ARHGAP22: variants seen among roughly 807,000 people sequenced by gnomAD.
ARHGAP22 encodes Rho GTPase activating protein 22, also known as rho GTPase-activating protein 22.
Under a neutral mutation model 59.1 loss-of-function variants are expected in ARHGAP22, and 48 were observed. That is an observed-to-expected ratio of 0.81 (90% CI 0.64 to 1.03). The LOEUF (loss-of-function observed/expected upper bound fraction) is 1.03, where lower values mean the gene tolerates loss of function less well. Among genes scored for constraint, ARHGAP22 ranks in the 50% least tolerant of loss-of-function variants. ARHGAP22 has a pLI of 0.00. For synonymous variants in ARHGAP22, 445 were observed against 416.4 expected, an observed-to-expected ratio of 1.07 and a Z score of -0.84; for missense variants, 1,015 against 958.7, an observed-to-expected ratio of 1.06 and a Z score of -0.78.
chr10:48,604,830 C>G lies in ARHGAP22; in HGVS notation c.-34G>C, dbSNP rs1460543597. 8 of 1,614,114 alleles carry G rather than the reference C, an allele frequency of 5.0e-6. No homozygotes were observed. Among genetic ancestry groups the G allele is most frequent in the Non-Finnish European group, 5.9e-6 (7 of 1,180,044 alleles). On this transcript the variant is annotated 5_prime_UTR_variant, in exon 1 of 10. Transcript: ENST00000249601. ...AGCCGTCCGGCCAGCCCCGCAGGGC[C>G]GTTCATGCTGTCATCCACTTGCTTT... is the stretch of plus-strand genomic sequence containing the variant.
intron 3 of ARHGAP22, among the ~76,000 whole-genome samples, chr10:48,534,394 C>T (rs552641958): frequency 6.6e-6 from 1 of 152,222 alleles, no homozygotes; most frequent in African/African-American, 2.4e-5. Context: ...TTTCCTCCCC[C>T]ACCCCCAGGA....
chr10:48,434,889 G>A, the ARHGAP22 span: 1 of 1,613,086 alleles, frequency 6.2e-7, no homozygotes, highest in Non-Finnish European at 8.5e-7. Context: ...CACAGGTGCA[G>A]CAGTGATCAA....
At chr10:48,620,025 T>G (rs1382588126) in intron 1 of ARHGAP22, among the ~76,000 whole-genome samples, 1 of 152,208 alleles carries the variant, frequency 6.6e-6, no homozygotes, top group Non-Finnish European at 1.5e-5. Context: ...ATAATTTGAT[T>G]TGCAAACAAC....
the ARHGAP22 span, among the ~76,000 whole-genome samples, chr10:48,440,679 G>A: frequency 6.6e-6 from 1 of 152,212 alleles, no homozygotes; most frequent in African/African-American, 2.4e-5. Context: ...GAAACAAGCT[G>A]AGGATCAGAC....
chr10:48,448,680 C>T (rs1320765889), intron 9 of ARHGAP22, among the ~76,000 whole-genome samples: 1 of 150,684 alleles, frequency 6.6e-6, no homozygotes, highest in Non-Finnish European at 1.5e-5. Context: ...GGTGCTAATG[C>T]CCTCACCTTC....
rs1487289835 is a variant in ARHGAP22 at position 48,450,461 on chromosome 10, G to A, written c.1668C>T (p.Ser556=). 2 of 1,546,192 alleles carry A rather than the reference G, an allele frequency of 1.3e-6. No individual in the cohort carries two copies. The highest frequency in any genetic ancestry group is 1.4e-5 in the African/African-American group (1 of 73,214). The part of the protein sequence containing the change: ...DWALEPSPLP[S]SSEDPKSLDL... Reference sequence around the variant, plus strand: ...CCAGGGACTTGGGGTCCTCGCTGCTGCTGGGGAGCGGGGAGGGCTCCAGGG... The same window carrying A: ...CCAGGGACTTGGGGTCCTCGCTGCTACTGGGGAGCGGGGAGGGCTCCAGGG... Residue 556 remains serine, a synonymous_variant, in exon 9 of 10, where the codon AGC becomes AGT. Coordinates refer to ENST00000249601, the MANE Select transcript of ARHGAP22 (RefSeq NM_021226.4).
intron 1 of ARHGAP22, among the ~76,000 whole-genome samples, chr10:48,634,307 T>A (rs2061729947): frequency 6.6e-6 from 1 of 152,166 alleles, no homozygotes; most frequent in Non-Finnish European, 1.5e-5. Flanking sequence ...AAACTTCAGA[T>A]CTTCTGCTTC....
intron 2 of ARHGAP22, among the ~76,000 whole-genome samples, chr10:48,566,662 G>A (rs866615327): frequency 6.6e-6 from 1 of 152,220 alleles, no homozygotes; most frequent in Admixed American, 6.5e-5. Context: ...GCAGTCAGCA[G>A]ATCGGACCTG....
At chr10:48,553,217 C>T (rs2057037378) in intron 3 of ARHGAP22, among the ~76,000 whole-genome samples, 1 of 152,260 alleles carries the variant, frequency 6.6e-6, no homozygotes, top group East Asian at 1.9e-4. Context: ...GACTGGACCG[C>T]TCACCGCCCA....
intron 3 of ARHGAP22, among the ~76,000 whole-genome samples, chr10:48,509,844 G>A (rs1445291343): frequency 2.0e-5 from 3 of 152,214 alleles, no homozygotes; most frequent in Non-Finnish European, 4.4e-5. Context: ...CAGGAAGGAA[G>A]GATGTTCTCA....
At chr10:48,558,586 C>T (rs11101383) in intron 2 of ARHGAP22, among the ~76,000 whole-genome samples, 55,388 of 151,924 alleles carry the variant, frequency 0.36, 11,891 homozygotes, top group Non-Finnish European at 0.48. Flanking sequence ...ATGCTGGTCT[C>T]GATTTCCTGG....
chr10:48,498,984 A>T (rs1221257228), intron 3 of ARHGAP22, among the ~76,000 whole-genome samples: 1 of 151,208 alleles, frequency 6.6e-6, no homozygotes, highest in Non-Finnish European at 1.5e-5. Context: ...TCTAAGAAGG[A>T]CTCCACCAAG....
At chr10:48,643,398 A>G (rs889084395) in intron 1 of ARHGAP22, among the ~76,000 whole-genome samples, 8 of 152,210 alleles carry the variant, frequency 5.3e-5, no homozygotes, top group African/African-American at 1.9e-4. Context: ...TGTGGCATGT[A>G]TAAACCATGG....
Position 48,616,917 on chromosome 10 carries a change from T to C in ARHGAP22, c.53-33765A>G, listed in dbSNP as rs193279005. 3.3e-5 allele frequency among the ~76,000 whole-genome samples: 5 copies of C among 152,184 alleles called. No individual in the cohort carries two copies. The East Asian group carries it at 9.6e-4, about 29-fold the overall frequency. ...TTAAAAATAGTACTTAAGATGACCA[T>C]ATAGGCAAATACGTAATTATTAATT... On this transcript the variant is annotated intron_variant, in intron 1 of 9. Transcript: ENST00000435790.
At chr10:48,496,512 G>C (rs1447872703) in intron 3 of ARHGAP22, among the ~76,000 whole-genome samples, 5 of 152,142 alleles carry the variant, frequency 3.3e-5, no homozygotes, top group Non-Finnish European at 5.9e-5. Flanking sequence ...AGTCACATAG[G>C]TAAGAACTGG....
At chr10:48,591,257 C>T (rs1041010487) in intron 1 of ARHGAP22, among the ~76,000 whole-genome samples, 1 of 152,196 alleles carries the variant, frequency 6.6e-6, no homozygotes, top group Non-Finnish European at 1.5e-5. Context: ...GAGGTCAAAA[C>T]CCTGGGTGTA....
At chr10:48,539,586 C>T (rs990492055) in intron 3 of ARHGAP22, among the ~76,000 whole-genome samples, 16 of 152,110 alleles carry the variant, frequency 1.1e-4, no homozygotes, top group African/African-American at 3.1e-4. Context: ...CCACCACGCC[C>T]GGCCAACATT....
chr10:48,564,071 CT>C (rs1447614875), intron 2 of ARHGAP22, among the ~76,000 whole-genome samples: 1 of 152,186 alleles, frequency 6.6e-6, no homozygotes, highest in Non-Finnish European at 1.5e-5. Flanking sequence ...TTCTCATACA[CT>C]TTTGATACAT....
downstream of ARHGAP22, chr10:48,444,045 A>C (rs2045266335): frequency 2.6e-5 from 4 of 152,194 alleles, no homozygotes; most frequent in Non-Finnish European, 5.9e-5. Context: ...AGAATCCCAG[A>C]TTCTTCCCAT....
Sources: allele counts gnomAD v4.1 joint callset (sites outside exome capture counted in the v4.1 genomes callset), GRCh38; gene constraint gnomAD v4.1.1; transcripts MANE v1.5; gene names NCBI Gene and HGNC (gene_info 2026-07-23, HGNC 2026-07-21).